Variants in POLR2C observed in about 807,000 individuals in gnomAD.
POLR2C encodes RNA polymerase II subunit C.
POLR2C carries 36 observed loss-of-function variants against 41.7 expected under a neutral mutation model. The ratio of observed to expected loss-of-function variants is 0.86; its 90% CI spans 0.66 to 1.14. POLR2C has a LOEUF of 1.14. Among genes scored for constraint, POLR2C ranks in the 50% most tolerant of loss-of-function variants. The pLI is 0.00. For synonymous variants in POLR2C, 133 were observed against 137.8 expected (o/e 0.96, Z 0.25); for missense variants, 260 against 350.4 (o/e 0.74, Z 2.06).
intron 2 of POLR2C, 112 bp downstream of exon 2, chr16:57,463,190 C>T: frequency 1.1e-6 from 1 of 902,422 alleles, no homozygotes. Context: ...GGTGGTAGTG[C>T]TGAGAAAAGT....
Position 57,466,237 on chromosome 16 carries a change from G to C in POLR2C, c.258+10G>C. On this transcript the variant is annotated intron_variant, in intron 4 of 8. Transcript: ENST00000219252. Reference sequence around the variant, plus strand: ...GCTGCAGTACTCTCGGGTATGTTGTGTGATTGGGTGGAATGTGAGGTTTGG... The same window carrying C: ...GCTGCAGTACTCTCGGGTATGTTGTCTGATTGGGTGGAATGTGAGGTTTGG... 1 of 1,558,942 alleles carries C rather than the reference G, an allele frequency of 6.4e-7. No homozygotes were observed. Among genetic ancestry groups the C allele is most frequent in the East Asian group, 2.2e-5 (1 of 44,456 alleles).
chr16:57,463,370 A>G (rs2030628318), intron 2 of POLR2C: 7 of 547,794 alleles, frequency 1.3e-5, no homozygotes, highest in Non-Finnish European at 2.3e-5. Flanking sequence ...TATTGTTACA[A>G]AAGTTTTTAA....
At chr16:57,466,940 AAAG>A (rs763726513) in intron 4 of POLR2C, among the ~76,000 whole-genome samples, 35 of 152,186 alleles carry the variant, frequency 2.3e-4, no homozygotes, top group Non-Finnish European at 4.6e-4. Context: ...TATTTTTAAA[AAAG>A]AAATATTCAG....
In POLR2C at chr16:57,471,010, G is replaced by A. The variant is rs150877837; in HGVS notation, c.719G>A (p.Arg240His). 8.1e-5 allele frequency: 131 copies of A among 1,613,896 alleles called. No homozygotes were observed. The highest frequency in any genetic ancestry group is 1.6e-4 in the Middle Eastern group (1 of 6,062). Residue 240 changes from arginine (R) to histidine (H), a missense_variant, in exon 9 of 9, where the codon CGT (arginine) becomes CAT (histidine). By Grantham distance (29) the Arg-to-His change is conservative (BLOSUM62 0). Coordinates refer to ENST00000219252, the MANE Select transcript of POLR2C (RefSeq NM_032940.3). ...AATGTGGAGTCCTGTGGCTCTCTGC[G>A]TCCTGAAACCATTGTCCTGTCAGCC... ...YYNVESCGSLRPETIVLSALS... is the reference protein window; with the variant it reads ...YYNVESCGSLHPETIVLSALS...
chr16:57,462,933 C>T (rs2030610585), intron 1 of POLR2C, 96 bp from the exon 2 acceptor site: 1 of 1,197,074 alleles, frequency 8.4e-7, no homozygotes, highest in Non-Finnish European at 1.2e-6. Context: ...CAGAGCTGCC[C>T]CCCTGCACCA....
At position 57,471,997 on chromosome 16, in the gene POLR2C, A is replaced by G. The variant is rs1413135877; in HGVS notation, c.*878A>G. ...GTGTTTATTTTTGGCAATAAAGAGC[A>G]CAACATAATCTCCTTCATGCGTCAT... On this transcript the variant is annotated 3_prime_UTR_variant, in exon 9 of 9. Coordinates refer to ENST00000219252, the MANE Select transcript of POLR2C (RefSeq NM_032940.3). The G allele has an allele frequency of 6.5e-6, 1 of 152,810 alleles. No individual in the cohort carries two copies. Among genetic ancestry groups the G allele is most frequent in the Non-Finnish European group, 1.5e-5 (1 of 68,044 alleles). The allele number at this position is 152,810 out of a possible 1,614,324, so 9.5% of individuals were successfully genotyped here.
At position 57,470,100 on chromosome 16, in the gene POLR2C, G is replaced by A. The variant is rs2030794021; in HGVS notation, c.579G>A (p.Arg193=). The A allele has an allele frequency of 8.1e-6, 13 of 1,614,146 alleles. No homozygotes were observed. Among genetic ancestry groups the A allele is most frequent in the Non-Finnish European group, 1.1e-5 (13 of 1,180,004 alleles). The change falls in exon 7 of 9, where the codon AGG becomes AGA. Residue 193 remains arginine (R), a synonymous_variant. Coordinates refer to ENST00000219252, the MANE Select transcript of POLR2C (RefSeq NM_032940.3). ...AFEYDPDNAL[R]HTVYPKPEEW... ...AATACGATCCAGACAATGCCCTGAG[G>A]CACACAGTGTACCCCAAGCCCGAGG...
At position 57,462,679 on chromosome 16, in the gene POLR2C, G is replaced by A. The variant is rs1264603122; in HGVS notation, c.-46G>A. On this transcript the variant is annotated 5_prime_UTR_variant, in exon 1 of 9. Transcript: ENST00000219252. The stretch of plus-strand genomic sequence containing the variant: ...CTTCCGGTGTTGGCGGTGGCGCCGC[G>A]CAGTCACCGCGGAGCAGACGCGGAG... The A allele has an allele frequency of 6.2e-6, 9 of 1,444,290 alleles. No homozygotes were observed. Among genetic ancestry groups the A allele is most frequent in the Non-Finnish European group, 8.6e-6 (9 of 1,048,794 alleles). 89.5% of individuals were successfully genotyped at this position (1,444,290 alleles called of 1,614,324 possible). A position where few individuals can be genotyped will look rare whatever the true frequency, so the allele number is the denominator to read the frequency against.
chr16:57,465,704 T>C (rs985164250), intron 2 of POLR2C: 8 of 460,512 alleles, frequency 1.7e-5, no homozygotes, highest in Non-Finnish European at 2.7e-5. Flanking sequence ...TTCTATGATA[T>C]TCTATAAGTC....
chr16:57,470,800 G>T (rs1487511337), intron 8 of POLR2C, among the ~76,000 whole-genome samples, 175 bp from the exon 9 acceptor site: 1 of 152,206 alleles, frequency 6.6e-6, no homozygotes, highest in African/African-American at 2.4e-5. Context: ...TGTGCAAAGT[G>T]TGTTGAAACT....
Position 57,469,918 on chromosome 16 carries a change from ATGTCTC to A in POLR2C, c.440-41_440-36del, listed in dbSNP as rs2030787332. 6.2e-7 allele frequency: 1 copy of A among 1,605,998 alleles called. No homozygotes were observed. The highest frequency in any genetic ancestry group is 1.7e-5 in the Admixed American group (1 of 59,738). ...ACTCCAAGTCAGAATTTGGAGAAGC[ATGTCTC>A]TCCTGGCCCTTGACTGACTTGTGCC... On this transcript the variant is annotated intron_variant, in intron 6 of 8. Transcript: ENST00000219252. This position sits in a 1 kb window ranked among gnomAD's most constrained non-coding sequence, Gnocchi z 5.8.
intron 4 of POLR2C, among the ~76,000 whole-genome samples, chr16:57,467,549 A>T (rs1458278566): frequency 3.3e-5 from 5 of 152,188 alleles, no homozygotes; most frequent in African/African-American, 1.2e-4. Context: ...TTTTTCTGAA[A>T]ATCTGTAGAA....
intron 4 of POLR2C, among the ~76,000 whole-genome samples, chr16:57,467,772 G>A (rs76782427): frequency 0.017 from 2,623 of 152,202 alleles, 86 homozygotes; most frequent in African/African-American, 0.06. Flanking sequence ...AAGAAAGTTA[G>A]CATTAATCTG....
At chr16:57,466,385 C>T (rs1178253061) in intron 4 of POLR2C, among the ~76,000 whole-genome samples, 158 bp downstream of exon 4, 4 of 152,136 alleles carry the variant, frequency 2.6e-5, no homozygotes, top group Admixed American at 6.5e-5. Context: ...CTTGGTCCTG[C>T]GTTCTGATGG....
At chr16:57,464,859 C>T (rs2030664661) in intron 2 of POLR2C, among the ~76,000 whole-genome samples, 1 of 152,106 alleles carries the variant, frequency 6.6e-6, no homozygotes. Context: ...ATATTGAGCA[C>T]CCATGCTAGG....
In POLR2C at chr16:57,469,516, T is replaced by C. The variant is rs1414587500; in HGVS notation, c.388-194T>C. 2.7e-6 allele frequency: 2 copies of C among 728,270 alleles called. No homozygotes were observed. Among genetic ancestry groups the C allele is most frequent in the African/African-American group, 1.7e-5 (1 of 57,278 alleles). The allele number at this position is 728,270 out of a possible 1,614,324, so 45.1% of individuals were successfully genotyped here. ...CACCCAGGGACTCTTTTAAAGGCCATGGAATTGTTTTGCCTGAGGCTACCA... is the reference window on the plus strand; with the variant it reads ...CACCCAGGGACTCTTTTAAAGGCCACGGAATTGTTTTGCCTGAGGCTACCA... On this transcript the variant is annotated intron_variant, in intron 5 of 8. Transcript: ENST00000219252. The surrounding 1 kb of genome is among the most constrained non-coding windows in gnomAD (Gnocchi z 5.8).
chr16:57,462,750 T>C lies in POLR2C; in HGVS notation c.26T>C (p.Val9Ala). 6.2e-7 allele frequency: 1 copy of C among 1,607,104 alleles called. No homozygotes were observed. Among genetic ancestry groups the C allele is most frequent in the Non-Finnish European group, 8.5e-7 (1 of 1,176,852 alleles). ...ATGCCGTACGCCAACCAGCCTACCG[T>C]GCGGATCACGGAGCTCACTGACGAG... MPYANQPT[V>A]RITELTDENV... The change falls in exon 1 of 9, where the codon GTG becomes GCG. Residue 9 changes from valine (V) to alanine (A), a missense_variant. Physicochemically the swap from Val to Ala is moderately conservative, Grantham distance 64. Transcript: ENST00000219252.
chr16:57,465,439 T>C (rs2030682750), intron 2 of POLR2C, among the ~76,000 whole-genome samples: 1 of 152,246 alleles, frequency 6.6e-6, no homozygotes, highest in African/African-American at 2.4e-5. Flanking sequence ...TTGGGTTCTA[T>C]ATTTAGTATA....
At chr16:57,464,438 A>G (rs528810589) in intron 2 of POLR2C, among the ~76,000 whole-genome samples, 1 of 152,200 alleles carries the variant, frequency 6.6e-6, no homozygotes, top group East Asian at 1.9e-4. Context: ...AGGGAAGATC[A>G]ATTTCTGGTC....
Sources: allele counts gnomAD v4.1 joint callset (sites outside exome capture counted in the v4.1 genomes callset), GRCh38; gene constraint gnomAD v4.1.1; non-coding constraint Gnocchi (gnomAD v3.1); transcripts MANE v1.5; gene names NCBI Gene and HGNC (gene_info 2026-07-23, HGNC 2026-07-21).